CNTNAP5: variants seen among roughly 807,000 people sequenced by gnomAD.
The protein encoded by CNTNAP5 is contactin associated protein family member 5, also known as contactin-associated protein-like 5.
Under a neutral mutation model 150.2 loss-of-function variants are expected in CNTNAP5, and 72 were observed. The ratio of observed to expected loss-of-function variants is 0.48; its 90% CI spans 0.40 to 0.58. The LOEUF is 0.58. Among genes scored for constraint, CNTNAP5 ranks in the 20% least tolerant of loss-of-function variants. The pLI, the probability that CNTNAP5 is intolerant of heterozygous loss-of-function variation, is 0.00. For missense variants in CNTNAP5, 1,636 were observed against 1,626.2 expected, an observed-to-expected ratio of 1.01 and a Z score of -0.10; for synonymous variants, 672 against 619.8, an observed-to-expected ratio of 1.08 and a Z score of -1.25.
At chr2:124,426,355 T>A (rs557634452) in intron 4 of CNTNAP5, among the ~76,000 whole-genome samples, 1 of 152,260 alleles carries the variant, frequency 6.6e-6, no homozygotes, top group East Asian at 1.9e-4. Context: ...ACAGAATTGG[T>A]GGAGGAATCT....
intron 7 of CNTNAP5, among the ~76,000 whole-genome samples, chr2:124,489,409 T>C (rs1298416404): frequency 1.5e-4 from 23 of 152,204 alleles, no homozygotes; most frequent in Admixed American, 1.5e-3. Context: ...CATTTTCTTA[T>C]AAGGACACCA....
At chr2:124,495,349 G>A (rs999439560) in intron 7 of CNTNAP5, among the ~76,000 whole-genome samples, 1 of 152,140 alleles carries the variant, frequency 6.6e-6, no homozygotes, top group Admixed American at 6.5e-5. Context: ...TGAGCTTCTT[G>A]ATTCATAGTT....
At chr2:124,040,877 C>T (rs1265942018) in intron 1 of CNTNAP5, among the ~76,000 whole-genome samples, 1 of 152,074 alleles carries the variant, frequency 6.6e-6, no homozygotes, top group Non-Finnish European at 1.5e-5. Flanking sequence ...ATAATGGTGA[C>T]AGTTGCTGTA....
At chr2:124,780,901 T>A (rs1210306027) in intron 17 of CNTNAP5, among the ~76,000 whole-genome samples, 1 of 152,244 alleles carries the variant, frequency 6.6e-6, no homozygotes, top group Non-Finnish European at 1.5e-5. Flanking sequence ...GACTATATGA[T>A]TGTTTTAAAT....
At chr2:124,400,669 G>GTTTTTTTTTTTT (rs760418441) in intron 3 of CNTNAP5, among the ~76,000 whole-genome samples, 22 of 84,480 alleles carry the variant, frequency 2.6e-4, no homozygotes, top group South Asian at 1.5e-3. Flanking sequence ...TAAAGGCATT[G>GTTTTTTTTTTTT]TTTTTTTTTT....
At chr2:124,483,141 A>C (rs1693797972) in intron 7 of CNTNAP5, among the ~76,000 whole-genome samples, 1 of 152,046 alleles carries the variant, frequency 6.6e-6, no homozygotes, top group Non-Finnish European at 1.5e-5. Flanking sequence ...TCTTCTTCAA[A>C]CTCACTGGTA....
chr2:124,499,229 G>A (rs1038398173), intron 7 of CNTNAP5, among the ~76,000 whole-genome samples: 3 of 152,140 alleles, frequency 2.0e-5, no homozygotes, highest in African/African-American at 7.2e-5. Context: ...AGAATTCAGA[G>A]CAAGATGATC....
intron 3 of CNTNAP5, among the ~76,000 whole-genome samples, chr2:124,408,317 G>A (rs371042195): frequency 3.3e-5 from 5 of 152,276 alleles, no homozygotes; most frequent in Middle Eastern, 3.4e-3. Context: ...AGGGGCGCCC[G>A]CCATTGCCCA....
intron 19 of CNTNAP5, among the ~76,000 whole-genome samples, chr2:124,860,473 T>C (rs1573668414): frequency 1.1e-5 from 1 of 91,080 alleles, no homozygotes; most frequent in African/African-American, 5.5e-5. Context: ...CCTTCCTTCC[T>C]TCCTTCCTTC....
chr2:124,184,355 G>T (rs1249002767), intron 1 of CNTNAP5, among the ~76,000 whole-genome samples: 4 of 152,158 alleles, frequency 2.6e-5, no homozygotes, highest in Admixed American at 6.5e-5. Context: ...GATTATATTA[G>T]CATGGTGAAG....
At chr2:124,276,320 T>C (rs2104618056) in intron 3 of CNTNAP5, among the ~76,000 whole-genome samples, 1 of 152,300 alleles carries the variant, frequency 6.6e-6, no homozygotes, top group African/African-American at 2.4e-5. Flanking sequence ...TGAAATGATG[T>C]AAAAACAAAA....
In CNTNAP5 at chr2:124,609,790, T is replaced by G. The variant is rs1558703291; in HGVS notation, c.1757-11T>G. 6.2e-7 allele frequency: 1 copy of G among 1,612,892 alleles called. No individual in the cohort carries two copies. Among genetic ancestry groups the G allele is most frequent in the East Asian group, 2.2e-5 (1 of 44,848 alleles). ...AGCAAAGTTTTATCTCTGCTGCCTT[T>G]GTCTTTCCAGCCATCTACGAGCAAT... is the stretch of plus-strand genomic sequence containing the variant. On this transcript the variant is annotated splice_polypyrimidine_tract_variant and intron_variant, in intron 11 of 23. Coordinates refer to ENST00000682447, the MANE Select transcript of CNTNAP5 (RefSeq NM_001367498.1).
At chr2:124,487,868 T>C (rs574195920) in intron 7 of CNTNAP5, among the ~76,000 whole-genome samples, 1 of 152,154 alleles carries the variant, frequency 6.6e-6, no homozygotes, top group South Asian at 2.1e-4. Flanking sequence ...GACATTTGGG[T>C]AAAACTTCCA....
At chr2:124,456,209 C>T (rs1693116157) in intron 6 of CNTNAP5, among the ~76,000 whole-genome samples, 1 of 152,164 alleles carries the variant, frequency 6.6e-6, no homozygotes, top group African/African-American at 2.4e-5. Flanking sequence ...TAAAAGAATT[C>T]AGCAAAGTTT....
intron 3 of CNTNAP5, among the ~76,000 whole-genome samples, chr2:124,331,103 G>T (rs13417332): frequency 6.6e-6 from 1 of 151,716 alleles, no homozygotes; most frequent in Admixed American, 6.6e-5. Flanking sequence ...AAAGACAACA[G>T]TTTATAATTA....
chr2:124,560,014 TA>T lies in CNTNAP5; in HGVS notation c.1650-3202del, dbSNP rs200528962. On this transcript the variant is annotated intron_variant, in intron 10 of 23. Transcript: ENST00000682447. ...CATCATTGGCTTTTCTGAGTGACCA[TA>T]GACAAATGAGTTTCTAGTAAGTTAA... Among the ~76,000 whole-genome samples, 52 of 152,296 alleles carry T rather than the reference TA, an allele frequency of 3.4e-4. No individual in the cohort carries two copies. The East Asian group carries it at 9.3e-3, about 27-fold the overall frequency.
At chr2:124,263,333 T>C (rs1334301461) in intron 3 of CNTNAP5, among the ~76,000 whole-genome samples, 1 of 152,192 alleles carries the variant, frequency 6.6e-6, no homozygotes, top group Non-Finnish European at 1.5e-5. Context: ...TTTTTAATGA[T>C]GGCCATTCTA....
chr2:124,124,757 T>A lies in CNTNAP5; in HGVS notation c.83-96948T>A, dbSNP rs185711119. ...AGCCAGAAGAGAGTGGGGGCCAATA[T>A]TCAACATTCTTAAAGAAAAGAATTT... is the stretch of plus-strand genomic sequence containing the variant. On this transcript the variant is annotated intron_variant, in intron 1 of 23. Transcript: ENST00000682447. Among the ~76,000 whole-genome samples, 5 of 152,300 alleles carry A rather than the reference T, an allele frequency of 3.3e-5. No individual in the cohort carries two copies. In the East Asian group the frequency reaches 9.6e-4, roughly 29 times the overall value.
At chr2:124,795,480 G>T (rs763201833) in intron 18 of CNTNAP5, among the ~76,000 whole-genome samples, 4 of 152,038 alleles carry the variant, frequency 2.6e-5, no homozygotes, top group Non-Finnish European at 4.4e-5. Context: ...AACTTCCATT[G>T]GTCCACTGGC....
Sources: gnomAD v4.1 joint callset for allele counts (sites outside exome capture counted in the v4.1 genomes callset) on GRCh38, gnomAD v4.1.1 for gene constraint, MANE v1.5 for transcripts, NCBI Gene and HGNC (gene_info 2026-07-23, HGNC 2026-07-21) for gene names.